Variants in ITSN2 observed in about 807,000 individuals in gnomAD.
ITSN2 encodes intersectin-2.
ITSN2 carries 156 observed loss-of-function variants against 243.7 expected under a neutral mutation model. The observed-to-expected ratio is 0.64, with a 90% CI of 0.56 to 0.73. ITSN2 has a LOEUF of 0.73. ITSN2 is among the 30% of genes least tolerant of loss of function. The pLI is 0.00. For missense variants in ITSN2, 1,801 were observed against 1,996.1 expected, an observed-to-expected ratio of 0.90 and a Z score of 1.86; for synonymous variants, 703 against 699.9, an observed-to-expected ratio of 1.00 and a Z score of -0.07.
At chr2:24,328,712 G>A (rs980660733) in intron 1 of ITSN2, among the ~76,000 whole-genome samples, 10 of 152,038 alleles carry the variant, frequency 6.6e-5, no homozygotes, top group African/African-American at 2.2e-4. Context: ...ACCTGCCCAC[G>A]TCAGCCTCCC....
chr2:24,222,721 C>A (rs1186862540), intron 29 of ITSN2, among the ~76,000 whole-genome samples: 1 of 122,196 alleles, frequency 8.2e-6, no homozygotes, highest in Non-Finnish European at 1.6e-5. Context: ...GTCAGCCAGG[C>A]TGGAGTGCAA....
chr2:24,262,597 T>G (rs750994084), intron 20 of ITSN2, among the ~76,000 whole-genome samples: 1 of 152,190 alleles, frequency 6.6e-6, no homozygotes, highest in Non-Finnish European at 1.5e-5. Context: ...CAGCCTCAAG[T>G]TTCATCACTG....
At chr2:24,300,509 G>A (rs1055056336) in intron 11 of ITSN2, among the ~76,000 whole-genome samples, 1 of 152,152 alleles carries the variant, frequency 6.6e-6, no homozygotes, top group Non-Finnish European at 1.5e-5. Context: ...CCTGAGGTCA[G>A]CAGTTCAAGA....
intron 20 of ITSN2, among the ~76,000 whole-genome samples, chr2:24,263,296 T>A (rs1182998946): frequency 6.6e-6 from 1 of 152,176 alleles, no homozygotes; most frequent in African/African-American, 2.4e-5. Context: ...AATAAATGAA[T>A]ATGGTAGTTG....
intron 14 of ITSN2, among the ~76,000 whole-genome samples, chr2:24,294,958 A>G (rs1680748295): frequency 6.6e-6 from 1 of 152,178 alleles, no homozygotes; most frequent in Non-Finnish European, 1.5e-5. Context: ...GGAGACAGCA[A>G]GCCCTCATCG....
chr2:24,265,989 G>A (rs192225956), intron 20 of ITSN2, among the ~76,000 whole-genome samples: 41 of 152,128 alleles, frequency 2.7e-4, no homozygotes, highest in Non-Finnish European at 4.0e-4. Flanking sequence ...CAAATTTGGG[G>A]GGAAATACCT....
intron 1 of ITSN2, among the ~76,000 whole-genome samples, chr2:24,337,321 T>TATATATATACATATATAC (rs1553395918): frequency 4.9e-5 from 4 of 80,912 alleles, no homozygotes; most frequent in Non-Finnish European, 9.6e-5. Context: ...ACAAAATATA[T>TATATATATACATATATAC]ATATATATAT....
At chr2:24,308,588 C>A in intron 8 of ITSN2, 29 bp downstream of exon 8, 1 of 1,332,666 alleles carries the variant, frequency 7.5e-7, no homozygotes, top group Non-Finnish European at 9.8e-7. Context: ...GACCCTTTTT[C>A]ATGCTCTTCA....
At chr2:24,303,222 T>C (rs1230723665) in intron 9 of ITSN2, among the ~76,000 whole-genome samples, 1 of 152,056 alleles carries the variant, frequency 6.6e-6, no homozygotes, top group Non-Finnish European at 1.5e-5. Flanking sequence ...TCAGGAGAAA[T>C]TCCAGAAGGC....
chr2:24,308,545 A>T, intron 8 of ITSN2, 72 bp downstream of exon 8: 1 of 981,582 alleles, frequency 1.0e-6, no homozygotes, highest in Non-Finnish European at 1.4e-6. Context: ...TACAAATTCA[A>T]ATGACAGTTC....
chr2:24,260,826 C>T (rs1675747638), intron 22 of ITSN2, among the ~76,000 whole-genome samples: 2 of 146,792 alleles, frequency 1.4e-5, no homozygotes, highest in Admixed American at 1.4e-4. Flanking sequence ...ATCTCTTCAA[C>T]CAGGGAGCCG....
Position 24,217,917 on chromosome 2 carries a change from T to C in ITSN2, c.3796A>G (p.Lys1266Glu). Residue 1266 changes from lysine to glutamate, a missense_variant, in exon 31 of 40, where the codon AAG becomes GAG. Physicochemically the swap from Lys to Glu is moderately conservative, Grantham distance 56. Around this residue, in one of 5 missense-constraint regions of ITSN2, gnomAD observed 928 missense variants for 1,065.4 expected, o/e 0.87. Coordinates refer to ENST00000355123, the MANE Select transcript of ITSN2 (RefSeq NM_006277.3). ...NWKELIMSNT[K>E]LLKALRVRKK... ...ATGCTCAGGACTCACTTCAGCAGCT[T>C]TGTGTTGGACATGATGAGCTCCTTC... 6.2e-7 allele frequency: 1 copy of C among 1,612,464 alleles called. No individual in the cohort carries two copies. Among genetic ancestry groups the C allele is most frequent in the Middle Eastern group, 1.6e-4 (1 of 6,062 alleles).
intron 29 of ITSN2, among the ~76,000 whole-genome samples, chr2:24,230,290 C>G (rs956389715): frequency 6.6e-6 from 1 of 152,214 alleles, no homozygotes; most frequent in Non-Finnish European, 1.5e-5. Context: ...TCCCTCTTCA[C>G]AATACATCCA....
chr2:24,303,043 C>T (rs549326090), intron 9 of ITSN2, among the ~76,000 whole-genome samples: 1 of 152,236 alleles, frequency 6.6e-6, no homozygotes, highest in East Asian at 1.9e-4. Flanking sequence ...TAGAAAAGTA[C>T]AGCATATACA....
chr2:24,284,649 T>C (rs1282238632), intron 17 of ITSN2, 114 bp downstream of exon 17: 1 of 666,544 alleles, frequency 1.5e-6, no homozygotes, highest in South Asian at 1.8e-5. Context: ...AGGCTTATAT[T>C]GTATATGTTA....
At chr2:24,294,930 G>A (rs1680744930) in intron 14 of ITSN2, among the ~76,000 whole-genome samples, 1 of 152,164 alleles carries the variant, frequency 6.6e-6, no homozygotes, top group East Asian at 1.9e-4. Context: ...GACGCAGCAA[G>A]AAGGCACTAG....
intron 29 of ITSN2, among the ~76,000 whole-genome samples, chr2:24,235,710 T>C (rs1200966243): frequency 6.6e-6 from 1 of 152,182 alleles, no homozygotes; most frequent in African/African-American, 2.4e-5. Context: ...AGGATCTGAA[T>C]AGACATATCT....
chr2:24,222,033 A>G (rs1226881471), intron 29 of ITSN2, among the ~76,000 whole-genome samples: 2 of 152,192 alleles, frequency 1.3e-5, no homozygotes, highest in Non-Finnish European at 2.9e-5. Context: ...TGGGTGTATC[A>G]CGAGGTCAGG....
Position 24,313,364 on chromosome 2 carries a change from C to T in ITSN2, c.188+96G>A. ...TGCTGGCAGAAATATTCTTAATAAC[C>T]AATAGAATGCAACTAAAAACAATTT... On this transcript the variant is annotated intron_variant, in intron 4 of 39. Transcript: ENST00000355123. 5.4e-6 allele frequency: 5 copies of T among 933,610 alleles called. 1 individual carries two copies. The South Asian group carries it at 7.9e-5, about 15-fold the overall frequency. 57.8% of individuals were successfully genotyped at this position (933,610 alleles called of 1,614,324 possible).
Sources: gnomAD v4.1 joint callset for allele counts (sites outside exome capture counted in the v4.1 genomes callset) on GRCh38, gnomAD v4.1.1 for gene constraint, gnomAD v4.1.1 regional missense constraint, MANE v1.5 for transcripts, NCBI Gene and HGNC (gene_info 2026-07-23, HGNC 2026-07-21) for gene names.